Variants in GPHN observed in about 807,000 individuals in gnomAD.
The protein encoded by GPHN is gephyrin.
GPHN carries 17 observed loss-of-function variants against 95.5 expected under a neutral mutation model. That is an observed-to-expected ratio of 0.18 (90% CI 0.12 to 0.27). The LOEUF is 0.27. GPHN is among the 10% of genes least tolerant of loss of function. The pLI, the probability that GPHN is intolerant of heterozygous loss-of-function variation, is 1.00. For synonymous variants in GPHN, 320 were observed against 322.5 expected, an observed-to-expected ratio of 0.99 and a Z score of 0.08; for missense variants, 660 against 978.1, an observed-to-expected ratio of 0.67 and a Z score of 4.34.
At chr14:66,606,941 T>C (rs1020464292) in intron 1 of GPHN, among the ~76,000 whole-genome samples, 2 of 152,134 alleles carry the variant, frequency 1.3e-5, no homozygotes, top group Non-Finnish European at 2.9e-5. Flanking sequence ...TTTCTTTCTT[T>C]TGTCTGATTA....
At chr14:67,576,310 G>C in the GPHN span, 1 of 731,144 alleles carries the variant, frequency 1.4e-6, no homozygotes, top group South Asian at 1.8e-5. The surrounding 1 kb of genome is among the most constrained non-coding windows in gnomAD (Gnocchi z 4.0). Flanking sequence ...ACATGGGCTT[G>C]GTCCCTTCAA....
chr14:66,736,923 G>C (rs1471402061), intron 2 of GPHN, among the ~76,000 whole-genome samples: 2 of 151,840 alleles, frequency 1.3e-5, no homozygotes, highest in African/African-American at 4.8e-5. Context: ...CACTTCTTGA[G>C]ACCTGTCTTC....
At chr14:67,046,713 T>G (rs1307061272) in intron 10 of GPHN, among the ~76,000 whole-genome samples, 1 of 152,170 alleles carries the variant, frequency 6.6e-6, no homozygotes. Context: ...GCTCATTGTC[T>G]TGAATAAGCA....
intron 2 of GPHN, among the ~76,000 whole-genome samples, chr14:66,685,218 C>T (rs1461054613): frequency 2.0e-5 from 3 of 152,230 alleles, no homozygotes; most frequent in Admixed American, 1.3e-4. Flanking sequence ...ATATGTGTGC[C>T]ATGTGTCTTT....
chr14:67,682,426 C>T, the GPHN span, among the ~76,000 whole-genome samples: 1 of 152,086 alleles, frequency 6.6e-6, no homozygotes, highest in Non-Finnish European at 1.5e-5. Flanking sequence ...AGACAATTAT[C>T]CAACTTAAAA....
At chr14:66,990,904 G>A (rs1313132613) in intron 9 of GPHN, among the ~76,000 whole-genome samples, 1 of 151,698 alleles carries the variant, frequency 6.6e-6, no homozygotes, top group Admixed American at 6.6e-5. Context: ...TAGAAGGTTT[G>A]ACATCATTCA....
chr14:67,689,351 T>C, the GPHN span, among the ~76,000 whole-genome samples: 1 of 152,328 alleles, frequency 6.6e-6, no homozygotes, highest in South Asian at 2.1e-4. Context: ...CGATTTCCCT[T>C]CTCTTTATTA....
the GPHN span, among the ~76,000 whole-genome samples, chr14:67,539,801 A>G: frequency 6.6e-6 from 1 of 152,206 alleles, no homozygotes; most frequent in East Asian, 1.9e-4. Context: ...TCTGTTCCTC[A>G]GTGTCCTCAT....
intron 21 of GPHN, among the ~76,000 whole-genome samples, chr14:67,178,075 T>C (rs1447618457): frequency 6.6e-6 from 1 of 152,234 alleles, no homozygotes; most frequent in Non-Finnish European, 1.5e-5. Context: ...AAGGTTAATA[T>C]TGTTATGTGT....
the GPHN span, among the ~76,000 whole-genome samples, chr14:67,466,326 A>T: frequency 6.6e-6 from 1 of 152,258 alleles, no homozygotes. Context: ...GTATTACCAG[A>T]ATGAAACAAT....
At chr14:67,493,902 AT>A in the GPHN span, among the ~76,000 whole-genome samples, 26 of 151,694 alleles carry the variant, frequency 1.7e-4, no homozygotes, top group African/African-American at 5.3e-4. Flanking sequence ...TTTAAAAATA[AT>A]TTTTTTTTAA....
the GPHN span, chr14:67,650,807 G>GTGAT: frequency 6.2e-7 from 1 of 1,614,188 alleles, no homozygotes; most frequent in Non-Finnish European, 8.5e-7. Flanking sequence ...GGCAGTAGAT[G>GTGAT]TGATTGCTTC....
the GPHN span, among the ~76,000 whole-genome samples, chr14:67,300,555 T>C: frequency 6.6e-6 from 1 of 152,194 alleles, no homozygotes. Context: ...CTCGAACTCC[T>C]GACCTCAAGT....
chr14:66,647,729 T>C (rs1334658382), intron 1 of GPHN, among the ~76,000 whole-genome samples: 2 of 152,164 alleles, frequency 1.3e-5, no homozygotes, highest in African/African-American at 2.4e-5. Flanking sequence ...AGTACTCACC[T>C]GGTTTTAGAC....
intron 4 of GPHN, among the ~76,000 whole-genome samples, chr14:66,865,877 A>G (rs2063204645): frequency 6.6e-6 from 1 of 152,174 alleles, no homozygotes; most frequent in African/African-American, 2.4e-5. Context: ...TGGCTCTTTT[A>G]TTACCTGAGA....
chr14:67,699,219 C>T, the GPHN span, among the ~76,000 whole-genome samples: 3 of 151,264 alleles, frequency 2.0e-5, no homozygotes, highest in African/African-American at 7.3e-5. Flanking sequence ...CGCCATTGCA[C>T]TACAGCCTGG....
the GPHN span, among the ~76,000 whole-genome samples, chr14:67,566,484 C>T: frequency 6.6e-6 from 1 of 152,094 alleles, no homozygotes; most frequent in Non-Finnish European, 1.5e-5. Context: ...GTGGCTCACA[C>T]CTGTAATCCC....
intron 1 of GPHN, among the ~76,000 whole-genome samples, chr14:66,675,878 G>T (rs2153388982): frequency 6.6e-6 from 1 of 152,074 alleles, no homozygotes; most frequent in Non-Finnish European, 1.5e-5. Context: ...GGTATTGACT[G>T]CAAATGGGCT....
chr14:67,275,603 C>G, the GPHN span, among the ~76,000 whole-genome samples: 1 of 152,044 alleles, frequency 6.6e-6, no homozygotes, highest in African/African-American at 2.4e-5. Flanking sequence ...GTGTCTCTGC[C>G]CGGCTTTGGT....
Sources: allele counts gnomAD v4.1 joint callset (sites outside exome capture counted in the v4.1 genomes callset), GRCh38; gene constraint gnomAD v4.1.1; non-coding constraint Gnocchi (gnomAD v3.1); transcripts MANE v1.5; gene names NCBI Gene and HGNC (gene_info 2026-07-23, HGNC 2026-07-21).